Variants in CD81 observed in about 807,000 individuals in gnomAD.
CD81 encodes CD81 antigen.
In CD81, 10 loss-of-function variants were observed where a neutral mutation model predicts 30.1. The observed-to-expected ratio is 0.33, with a 90% CI of 0.21 to 0.56. The LOEUF (loss-of-function observed/expected upper bound fraction) is 0.56. Among genes scored for constraint, CD81 ranks in the 20% least tolerant of loss-of-function variants. The pLI is 0.89. For missense variants in CD81, 263 were observed against 308.7 expected, an observed-to-expected ratio of 0.85 and a Z score of 1.11; for synonymous variants, 147 against 126.4, an observed-to-expected ratio of 1.16 and a Z score of -1.10.
chr11:2,387,323 C>G (rs976569816), intron 1 of CD81, among the ~76,000 whole-genome samples: 2 of 152,224 alleles, frequency 1.3e-5, no homozygotes, highest in Non-Finnish European at 1.5e-5. Context: ...GGGGATGAGG[C>G]TCCCCCATCC....
intron 5 of CD81, 79 bp from the exon 6 acceptor site, chr11:2,395,790 C>T: frequency 1.0e-6 from 1 of 961,590 alleles, no homozygotes; most frequent in Non-Finnish European, 1.7e-6. Context: ...GTACCCCTGG[C>T]CACCTCCCCA....
intron 1 of CD81, among the ~76,000 whole-genome samples, chr11:2,387,875 TC>T (rs1365201481): frequency 6.6e-6 from 1 of 152,036 alleles, no homozygotes; most frequent in African/African-American, 2.4e-5. Flanking sequence ...GAGTTGAAAC[TC>T]CCATAGGAGG....
chr11:2,381,383 T>G (rs1849702115), intron 1 of CD81, among the ~76,000 whole-genome samples: 1 of 152,196 alleles, frequency 6.6e-6, no homozygotes, highest in South Asian at 2.1e-4. Context: ...AAGCCCTCCA[T>G]TCTTTCCTGG....
upstream of CD81, chr11:2,377,173 C>G (rs562245350): frequency 3.3e-5 from 5 of 152,480 alleles, no homozygotes; most frequent in East Asian, 7.7e-4. The surrounding 1 kb of genome is among the most constrained non-coding windows in gnomAD (Gnocchi z 7.7). Context: ...GTAGGTGCAG[C>G]GACCCCATAC....
rs147138487 is a variant in CD81 at position 2,377,726 on chromosome 11, TGTG to T, written c.66+113_66+115del. ...GCGGGCGCAGCGCGGGCCGCGAAGT[TGTG>T]GGGCCACCTGTGGGCTCCAGGAGCG... On this transcript the variant is annotated intron_variant, in intron 1 of 7. Transcript: ENST00000263645. This position sits in a 1 kb window ranked among gnomAD's most constrained non-coding sequence, Gnocchi z 7.7. 0.011 allele frequency: 5,550 copies of T among 510,256 alleles called. 282 individuals are homozygous for T. The highest frequency in any genetic ancestry group is 0.1 in the African/African-American group (4,949 of 47,730). The allele number at this position is 510,256 out of a possible 1,614,324, so 31.6% of individuals were successfully genotyped here.
intron 1 of CD81, chr11:2,379,215 G>C (rs1253795336): frequency 2.2e-6 from 1 of 451,308 alleles, no homozygotes; most frequent in Non-Finnish European, 4.4e-6. Flanking sequence ...AGGCGAGTGT[G>C]GACCTGGGGG....
At chr11:2,393,705 A>G (rs2074246) in intron 2 of CD81, 27,720 of 588,598 alleles carry the variant, frequency 0.047, 3,281 homozygotes, top group African/African-American at 0.34. Flanking sequence ...ACCCCACGCC[A>G]AGTCCCAGAG....
At chr11:2,385,402 T>G (rs1312523740) in intron 1 of CD81, among the ~76,000 whole-genome samples, 1 of 152,170 alleles carries the variant, frequency 6.6e-6, no homozygotes, top group Non-Finnish European at 1.5e-5. Flanking sequence ...ACAGCATGCA[T>G]TTCTTCAACA....
intron 4 of CD81, 57 bp downstream of exon 4, chr11:2,395,103 C>T (rs1849972833): frequency 6.9e-7 from 1 of 1,442,706 alleles, no homozygotes; most frequent in South Asian, 1.1e-5. Context: ...CCCTCCTCTC[C>T]TGTCGCGGGT....
At chr11:2,389,106 G>A (rs893261568) in intron 1 of CD81, among the ~76,000 whole-genome samples, 5 of 152,154 alleles carry the variant, frequency 3.3e-5, no homozygotes, top group African/African-American at 4.8e-5. Context: ...GTGTCCTAGG[G>A]ACGCAGAGTC....
chr11:2,396,519 C>T (rs1218329003), intron 6 of CD81, 109 bp from the exon 7 acceptor site: 29 of 998,424 alleles, frequency 2.9e-5, no homozygotes, highest in Non-Finnish European at 4.6e-5. Context: ...GGGCTGTTCC[C>T]AGGATTCCCC....
At chr11:2,396,070 G>C (rs1164961638) in intron 6 of CD81, 100 bp downstream of exon 6, 2 of 557,442 alleles carry the variant, frequency 3.6e-6, no homozygotes, top group African/African-American at 1.9e-5. Flanking sequence ...CACAGGGAGC[G>C]ACCACACTGG....
rs1278069754 is a variant in CD81 at position 2,378,719 on chromosome 11, C to G, written c.66+1104C>G. 3.3e-5 allele frequency among the ~76,000 whole-genome samples: 5 copies of G among 152,210 alleles called. No individual in the cohort carries two copies. The highest frequency in any genetic ancestry group is 7.3e-5 in the Non-Finnish European group (5 of 68,030). On this transcript the variant is annotated intron_variant, in intron 1 of 7. Transcript: ENST00000263645. This position sits in a 1 kb window ranked among gnomAD's most constrained non-coding sequence, Gnocchi z 4.9. ...TAGACTGCAAGCCCCTCCCCGTGCC[C>G]CCCAGGCTGTCACCCCCTTCTCGTG... is the stretch of plus-strand genomic sequence containing the variant.
intron 1 of CD81, among the ~76,000 whole-genome samples, chr11:2,381,723 G>A (rs56782414): frequency 0.03 from 4,566 of 152,302 alleles, 246 homozygotes; most frequent in African/African-American, 0.1. Flanking sequence ...CTTGGGCCCC[G>A]TGTCCCTGTG....
intron 6 of CD81, 21 bp downstream of exon 6, chr11:2,395,991 C>T (rs779549593): frequency 7.5e-5 from 113 of 1,514,384 alleles, no homozygotes; most frequent in Non-Finnish European, 9.1e-5. Flanking sequence ...CCGGTGGGGC[C>T]GCGCCTGACC....
At chr11:2,395,335 G>A (rs952824233) in intron 4 of CD81, 81 bp from the exon 5 acceptor site, 299 of 1,157,364 alleles carry the variant, frequency 2.6e-4, no homozygotes, top group Middle Eastern at 2.1e-4. Flanking sequence ...CCTGGGAAAA[G>A]TGCGTCCGCC....
rs3815061 is a variant in CD81 at position 2,390,766 on chromosome 11, T to C, written c.181+240T>C. ...GGCAGCTAGGCCTGGGCAGGGACTGTGTGGAGACCTTGCTTATTTTAAGTG... is the reference window on the plus strand; with the variant it reads ...GGCAGCTAGGCCTGGGCAGGGACTGCGTGGAGACCTTGCTTATTTTAAGTG... On this transcript the variant is annotated intron_variant, in intron 2 of 7. Transcript: ENST00000263645. Among the ~76,000 whole-genome samples, 15,921 of 152,042 alleles carry C rather than the reference T, an allele frequency of 0.1. 2,404 individuals are homozygous for C. Among genetic ancestry groups the C allele is most frequent in the African/African-American group, 0.34 (13,944 of 41,424 alleles).
chr11:2,385,285 G>A (rs866019675), intron 1 of CD81, among the ~76,000 whole-genome samples: 1 of 152,078 alleles, frequency 6.6e-6, no homozygotes, highest in Non-Finnish European at 1.5e-5. Flanking sequence ...TTATACCCCC[G>A]TGAAACCATC....
chr11:2,395,159 C>A, intron 4 of CD81, 113 bp downstream of exon 4: 2 of 909,828 alleles, frequency 2.2e-6, no homozygotes, highest in Non-Finnish European at 1.8e-6. Flanking sequence ...TTGGGCTCTT[C>A]CTGGGTCCCA....
Sources: allele counts gnomAD v4.1 joint callset (sites outside exome capture counted in the v4.1 genomes callset), GRCh38; gene constraint gnomAD v4.1.1; non-coding constraint Gnocchi (gnomAD v3.1); transcripts MANE v1.5; gene names NCBI Gene and HGNC (gene_info 2026-07-23, HGNC 2026-07-21).